Variants in NEK10 observed in about 807,000 individuals in gnomAD.
NEK10 encodes the protein NIMA related kinase 10.
A neutral mutation model predicts 159.8 loss-of-function variants in NEK10; 122 were observed. That is an observed-to-expected ratio of 0.76 (90% CI 0.66 to 0.89). The LOEUF (loss-of-function observed/expected upper bound fraction) is 0.89. Ranked by LOEUF, NEK10 falls within the 40% of genes least tolerant of loss-of-function variation. The probability of loss-of-function intolerance (pLI) is 0.00; values close to 1 mark genes in which losing one functional copy is unlikely to be tolerated. For synonymous variants in NEK10, 466 were observed against 457.1 expected (o/e 1.02, Z -0.25); for missense variants, 1,342 against 1,323.1 (o/e 1.01, Z -0.22).
chr3:27,306,013 C>T (rs2044217223), intron 11 of NEK10, among the ~76,000 whole-genome samples: 1 of 152,132 alleles, frequency 6.6e-6, no homozygotes, highest in African/African-American at 2.4e-5. Flanking sequence ...CAAGTACTCT[C>T]CATACTACCC....
intron 32 of NEK10, among the ~76,000 whole-genome samples, chr3:27,124,326 C>T (rs1941689692): frequency 6.6e-6 from 1 of 151,980 alleles, no homozygotes; most frequent in South Asian, 2.1e-4. Context: ...GAGAGAAGGG[C>T]CCAGAGCTTA....
At chr3:27,171,931 TTA>T (rs1947027924) in intron 28 of NEK10, 58 bp from the exon 29 acceptor site, 13 of 1,543,806 alleles carry the variant, frequency 8.4e-6, no homozygotes, top group Non-Finnish European at 1.1e-5. Flanking sequence ...CTTTTATTTT[TTA>T]TGTTTTAATA....
At chr3:27,292,925 T>C (rs2043104024) in intron 16 of NEK10, among the ~76,000 whole-genome samples, 1 of 152,086 alleles carries the variant, frequency 6.6e-6, no homozygotes. Context: ...GAACAAAAAA[T>C]ACTATATTAA....
intron 23 of NEK10, among the ~76,000 whole-genome samples, chr3:27,237,769 A>G (rs532902943): frequency 2.6e-5 from 4 of 152,264 alleles, no homozygotes; most frequent in Admixed American, 2.0e-4. Flanking sequence ...TTAAGAACCT[A>G]TCCATGCATC....
chr3:27,337,397 T>C (rs974560979), intron 5 of NEK10, among the ~76,000 whole-genome samples: 2 of 151,756 alleles, frequency 1.3e-5, no homozygotes, highest in African/African-American at 2.4e-5. Context: ...CAAAGTAATA[T>C]ACAGATTCAA....
At chr3:27,272,912 CAG>C (rs2041480345) in intron 22 of NEK10, among the ~76,000 whole-genome samples, 1 of 152,200 alleles carries the variant, frequency 6.6e-6, no homozygotes. Flanking sequence ...GAAGGTCACT[CAG>C]ATTCTAATCT....
At chr3:27,142,863 AT>A (rs1231001513) in intron 30 of NEK10, among the ~76,000 whole-genome samples, 3 of 152,220 alleles carry the variant, frequency 2.0e-5, no homozygotes, top group Non-Finnish European at 4.4e-5. Context: ...TTAGTTTAGA[AT>A]TTAGCACAAG....
intron 6 of NEK10, among the ~76,000 whole-genome samples, chr3:27,314,734 G>A (rs761565544): frequency 1.4e-4 from 22 of 152,154 alleles, no homozygotes; most frequent in Non-Finnish European, 2.8e-4. Flanking sequence ...GAACCTGGAT[G>A]AGTTCATCAC....
intron 25 of NEK10, chr3:27,193,925 T>C (rs1362981191): frequency 1.3e-5 from 2 of 152,114 alleles, no homozygotes; most frequent in South Asian, 2.1e-4. Context: ...TGAGTCCTGA[T>C]AGGTATTCAG....
chr3:27,229,032 C>A (rs367875439), intron 23 of NEK10, among the ~76,000 whole-genome samples: 6 of 152,260 alleles, frequency 3.9e-5, no homozygotes, highest in South Asian at 2.1e-4. Flanking sequence ...GGATACCCCC[C>A]CTACTGGCCT....
chr3:27,214,735 C>G, intron 23 of NEK10: 1 of 735,546 alleles, frequency 1.4e-6, no homozygotes. Flanking sequence ...TTCAGTATTC[C>G]TGAGGAATAA....
At chr3:27,256,408 T>C in intron 22 of NEK10, 37 bp from the exon 23 acceptor site, 1 of 1,298,452 alleles carries the variant, frequency 7.7e-7, no homozygotes. Context: ...GTTACTATAT[T>C]TTCCCAGAGT....
rs923133861 is a variant in NEK10, at chr3:27,109,265, G to C, written c.*2007C>G. Among the ~76,000 whole-genome samples, 1 of 151,878 alleles carries C rather than the reference G, an allele frequency of 6.6e-6. No homozygotes were observed. The highest frequency in any genetic ancestry group is 1.5e-5 in the Non-Finnish European group (1 of 67,998). ...ATGGCAGCACATGCCTGTAATCCCA[G>C]TTACTCGGGAGGCTGAGGCAGGAGA... On this transcript the variant is annotated 3_prime_UTR_variant, in exon 36 of 36. Transcript: ENST00000691995.
intron 28 of NEK10, among the ~76,000 whole-genome samples, chr3:27,172,777 TAA>T (rs1947129318): frequency 6.6e-6 from 1 of 152,142 alleles, no homozygotes; most frequent in South Asian, 2.1e-4. Flanking sequence ...AAATTTTAAA[TAA>T]GTTTTTTATA....
At chr3:27,126,961 T>C (rs897820309) in intron 32 of NEK10, among the ~76,000 whole-genome samples, 15 of 152,082 alleles carry the variant, frequency 9.9e-5, no homozygotes, top group African/African-American at 3.6e-4. Flanking sequence ...GTTTTCAAAA[T>C]GCTAATGCCC....
At chr3:27,131,821 T>C in intron 32 of NEK10, 59 bp downstream of exon 32, 2 of 890,770 alleles carry the variant, frequency 2.2e-6, no homozygotes, top group African/African-American at 1.7e-5. Context: ...AGGTATAAAA[T>C]GTACCTCTTA....
chr3:27,171,399 C>T (rs1046016505), intron 29 of NEK10, among the ~76,000 whole-genome samples: 2 of 152,114 alleles, frequency 1.3e-5, no homozygotes, highest in African/African-American at 4.8e-5. Flanking sequence ...CTCTACTTCC[C>T]CTTTCTTCTT....
chr3:27,226,366 G>A (rs944434271), intron 23 of NEK10, among the ~76,000 whole-genome samples: 2 of 151,746 alleles, frequency 1.3e-5, no homozygotes, highest in South Asian at 4.2e-4. Context: ...AAAAAAGAAA[G>A]AAAGAAAGAA....
chr3:27,270,683 C>A (rs530415505), intron 22 of NEK10, among the ~76,000 whole-genome samples: 1 of 152,212 alleles, frequency 6.6e-6, no homozygotes, highest in South Asian at 2.1e-4. Context: ...TAATTCTCCA[C>A]TTCAGGTCCA....
Sources: gnomAD v4.1 joint callset for allele counts (sites outside exome capture counted in the v4.1 genomes callset) on GRCh38, gnomAD v4.1.1 for gene constraint, MANE v1.5 for transcripts, NCBI Gene and HGNC (gene_info 2026-07-23, HGNC 2026-07-21) for gene names.